SLC44A5: variants seen among roughly 807,000 people sequenced by gnomAD.
SLC44A5 encodes the protein choline transporter-like protein 5.
In SLC44A5, 57 loss-of-function variants were observed where a neutral mutation model predicts 101.8. That is an observed-to-expected ratio of 0.56 (90% CI 0.45 to 0.70). SLC44A5 has a LOEUF of 0.70. SLC44A5 is among the 30% of genes least tolerant of loss of function. SLC44A5 has a pLI of 0.00. For missense variants in SLC44A5, 737 were observed against 853.1 expected (o/e 0.86, Z 1.70); for synonymous variants, 281 against 290.9 (o/e 0.97, Z 0.35).
At chr1:75,314,542 G>C (rs1655548223) in intron 4 of SLC44A5, among the ~76,000 whole-genome samples, 1 of 152,168 alleles carries the variant, frequency 6.6e-6, no homozygotes, top group Non-Finnish European at 1.5e-5. Context: ...GGTTGCAGTA[G>C]TGGCAATAAC....
At chr1:75,522,412 C>A (rs1173689563) in intron 2 of SLC44A5, among the ~76,000 whole-genome samples, 1 of 151,390 alleles carries the variant, frequency 6.6e-6, no homozygotes, top group Non-Finnish European at 1.5e-5. Flanking sequence ...TATTTGGGAT[C>A]CAGGTCACTT....
rs1646688419 is a variant in SLC44A5, at chr1:75,202,965, GCTGCA to G, written c.*757_*761del. On this transcript the variant is annotated 3_prime_UTR_variant, in exon 24 of 24. Coordinates refer to ENST00000370859, the MANE Select transcript of SLC44A5 (RefSeq NM_001130058.2). Reference sequence around the variant, plus strand: ...CACTAGGCGCAAGGGAAATTGTTTAGCTGCACAATGTATTCCATAATAGTGAGGAT... The same window carrying G: ...CACTAGGCGCAAGGGAAATTGTTTAGCAATGTATTCCATAATAGTGAGGAT... 6.6e-6 allele frequency: 1 copy of G among 152,158 alleles called. No homozygotes were observed. Among genetic ancestry groups the G allele is most frequent in the South Asian group, 2.1e-4 (1 of 4,832 alleles). The allele number at this position is 152,158 out of a possible 1,614,324, so 9.4% of individuals were successfully genotyped here. A position where few individuals can be genotyped will look rare whatever the true frequency, so the allele number is the denominator to read the frequency against.
At chr1:75,645,430 G>C in the SLC44A5 span, among the ~76,000 whole-genome samples, 1 of 152,008 alleles carries the variant, frequency 6.6e-6, no homozygotes, top group African/African-American at 2.4e-5. Flanking sequence ...GTCTTCTTTT[G>C]AGAAGTGTCT....
intron 1 of SLC44A5, among the ~76,000 whole-genome samples, chr1:75,548,653 T>C (rs1671780585): frequency 2.0e-5 from 3 of 152,106 alleles, no homozygotes; most frequent in Admixed American, 2.0e-4. Context: ...TGTTTACTAA[T>C]GAGATCATCA....
chr1:75,499,239 C>G (rs575264375), intron 2 of SLC44A5, among the ~76,000 whole-genome samples: 2 of 152,134 alleles, frequency 1.3e-5, no homozygotes, highest in Admixed American at 1.3e-4. Context: ...GGATGGGGGC[C>G]GGAAGGGAGT....
chr1:75,702,430 T>C, the SLC44A5 span, among the ~76,000 whole-genome samples: 2 of 152,110 alleles, frequency 1.3e-5, no homozygotes, highest in African/African-American at 2.4e-5. Context: ...ATTTAATAAA[T>C]GGTGCTGGGA....
intron 3 of SLC44A5, among the ~76,000 whole-genome samples, chr1:75,358,014 A>G (rs925610642): frequency 1.4e-5 from 2 of 140,300 alleles, no homozygotes; most frequent in Non-Finnish European, 3.2e-5. Flanking sequence ...ACACACACAC[A>G]CACACACACA....
chr1:75,487,044 C>T (rs189980320), intron 2 of SLC44A5, among the ~76,000 whole-genome samples: 85 of 152,230 alleles, frequency 5.6e-4, no homozygotes, highest in African/African-American at 2.0e-3. Flanking sequence ...AATAGGGATT[C>T]TGGAGACCTA....
Position 75,213,994 on chromosome 1 carries a change from GTA to G in SLC44A5, c.1803-7_1803-6del, listed in dbSNP as rs775575752. On this transcript the variant is annotated splice_region_variant and splice_polypyrimidine_tract_variant and intron_variant, in intron 20 of 23. Coordinates refer to ENST00000370859, the MANE Select transcript of SLC44A5 (RefSeq NM_001130058.2). Reference sequence around the variant, plus strand: ...ACTTCATCTGTAACTGCAACTCTGAGTATCAGAAAAAAAGAAAGTATAATTCT... The same window carrying G: ...ACTTCATCTGTAACTGCAACTCTGAGTCAGAAAAAAAGAAAGTATAATTCT... 6.5e-7 allele frequency: 1 copy of G among 1,547,468 alleles called. No homozygotes were observed. Among genetic ancestry groups the G allele is most frequent in the South Asian group, 1.2e-5 (1 of 83,318 alleles).
At chr1:75,436,677 C>T (rs376236676) in intron 2 of SLC44A5, among the ~76,000 whole-genome samples, 54 of 152,098 alleles carry the variant, frequency 3.6e-4, no homozygotes, top group African/African-American at 8.9e-4. Flanking sequence ...CTTTCTTCAA[C>T]GATAATTAAC....
chr1:75,613,272 C>T (rs1044688481), upstream of SLC44A5, among the ~76,000 whole-genome samples: 1 of 152,226 alleles, frequency 6.6e-6, no homozygotes. Context: ...ACCCCAGTAG[C>T]CTGCCCCTGC....
At chr1:75,245,197 C>T (rs1648997882) in intron 7 of SLC44A5, among the ~76,000 whole-genome samples, 1 of 152,146 alleles carries the variant, frequency 6.6e-6, no homozygotes, top group African/African-American at 2.4e-5. Context: ...TCCACACCTC[C>T]ACATGTATTT....
At chr1:75,344,460 CA>C (rs755622361) in intron 3 of SLC44A5, among the ~76,000 whole-genome samples, 4 of 152,106 alleles carry the variant, frequency 2.6e-5, no homozygotes, top group Non-Finnish European at 5.9e-5. Flanking sequence ...AGGGATTTTG[CA>C]GATGTGAATA....
intron 2 of SLC44A5, among the ~76,000 whole-genome samples, chr1:75,475,347 TA>T (rs749698732): frequency 1.6e-4 from 24 of 152,236 alleles, no homozygotes; most frequent in Non-Finnish European, 2.6e-4. Flanking sequence ...GAAATTTCAG[TA>T]GATGAGCTTT....
At chr1:75,258,705 T>C (rs1011476352) in intron 6 of SLC44A5, among the ~76,000 whole-genome samples, 7 of 152,092 alleles carry the variant, frequency 4.6e-5, no homozygotes, top group Admixed American at 1.3e-4. Flanking sequence ...CTCAAGTGGG[T>C]CCCTGACCCC....
At chr1:75,302,258 C>G (rs948411125) in intron 4 of SLC44A5, among the ~76,000 whole-genome samples, 27 of 151,110 alleles carry the variant, frequency 1.8e-4, no homozygotes, top group Non-Finnish European at 4.4e-5. Flanking sequence ...TGTTACATAC[C>G]TCAACACCGA....
the SLC44A5 span, among the ~76,000 whole-genome samples, chr1:75,625,391 A>G: frequency 6.6e-6 from 1 of 152,260 alleles, no homozygotes; most frequent in East Asian, 1.9e-4. Flanking sequence ...CTGAAGAAAG[A>G]TCCCTTTTCT....
intron 2 of SLC44A5, among the ~76,000 whole-genome samples, chr1:75,503,143 C>T (rs960617764): frequency 1.3e-5 from 2 of 152,092 alleles, no homozygotes; most frequent in Non-Finnish European, 2.9e-5. Context: ...TATAGTTTCA[C>T]TTTACCTCAA....
intron 10 of SLC44A5, among the ~76,000 whole-genome samples, chr1:75,237,877 T>G (rs1024380951): frequency 6.7e-6 from 1 of 150,352 alleles, no homozygotes; most frequent in African/African-American, 2.4e-5. Context: ...GAATATCTTT[T>G]TTATCTATAA....
Sources: allele counts gnomAD v4.1 joint callset (sites outside exome capture counted in the v4.1 genomes callset), GRCh38; gene constraint gnomAD v4.1.1; transcripts MANE v1.5; gene names NCBI Gene and HGNC (gene_info 2026-07-23, HGNC 2026-07-21).